The following MPZL1 variants were observed in gnomAD, a reference collection of about 807,000 sequenced individuals.
The protein encoded by MPZL1 is myelin protein zero-like protein 1.
A neutral mutation model predicts 29.3 loss-of-function variants in MPZL1; 16 were observed. The observed-to-expected ratio is 0.55, with a 90% CI of 0.37 to 0.83. MPZL1 has a LOEUF of 0.83. Ranked by LOEUF, MPZL1 falls within the 40% of genes least tolerant of loss-of-function variation. The pLI, the probability that MPZL1 is intolerant of heterozygous loss-of-function variation, is 0.00. For synonymous variants in MPZL1, 143 were observed against 132.0 expected, an observed-to-expected ratio of 1.08 and a Z score of -0.57; for missense variants, 279 against 332.9, an observed-to-expected ratio of 0.84 and a Z score of 1.26.
At chr1:167,737,979 G>A (rs1241371303) in intron 1 of MPZL1, among the ~76,000 whole-genome samples, 1 of 152,154 alleles carries the variant, frequency 6.6e-6, no homozygotes, top group Non-Finnish European at 1.5e-5. Flanking sequence ...AGGCTGGAGT[G>A]CAGTGGCGCA....
At chr1:167,776,034 C>A in intron 4 of MPZL1, 30 bp from the exon 5 acceptor site, 2 of 1,419,466 alleles carry the variant, frequency 1.4e-6, no homozygotes, top group Non-Finnish European at 1.9e-6. Context: ...TTATTTTTTA[C>A]ATTTGTTCTT....
rs1178023407 is a variant in MPZL1 at position 167,787,858 on chromosome 1, A to G, written c.747A>G (p.Gly249=). The G allele has an allele frequency of 6.2e-7, 1 of 1,613,956 alleles. No homozygotes were observed. Among genetic ancestry groups the G allele is most frequent in the Admixed American group, 1.7e-5 (1 of 60,020 alleles). ...VIYAQLDHSG[G]HHSDKINKSE... is the part of the protein sequence containing the mutation. Reference sequence around the variant, plus strand: ...ATGCACAGTTAGACCACTCCGGCGGACATCACAGTGACAAGATTAACAAGT... The same window carrying G: ...ATGCACAGTTAGACCACTCCGGCGGGCATCACAGTGACAAGATTAACAAGT... Residue 249 remains glycine, a synonymous_variant, in exon 6 of 6, where the codon GGA becomes GGG. Coordinates refer to ENST00000359523, the MANE Select transcript of MPZL1 (RefSeq NM_003953.6).
intron 1 of MPZL1, among the ~76,000 whole-genome samples, chr1:167,758,343 G>A (rs1341758953): frequency 2.0e-5 from 3 of 152,116 alleles, no homozygotes; most frequent in African/African-American, 7.2e-5. Flanking sequence ...TATGGTATGA[G>A]AGTTTGAATT....
At chr1:167,733,948 T>C (rs1246477077) in intron 1 of MPZL1, among the ~76,000 whole-genome samples, 1 of 150,660 alleles carries the variant, frequency 6.6e-6, no homozygotes, top group African/African-American at 2.4e-5. Flanking sequence ...GGTGAGTAAG[T>C]AGATCTTAAA....
At position 167,788,577 on chromosome 1, in the gene MPZL1, A is replaced by G. The variant is rs528889612; in HGVS notation, c.*656A>G. 1.1e-4 allele frequency: 16 copies of G among 152,354 alleles called. No homozygotes were observed. Among genetic ancestry groups the G allele is most frequent in the Admixed American group, 7.8e-4 (12 of 15,298 alleles). 9.4% of individuals were successfully genotyped at this position (152,354 alleles called of 1,614,324 possible). ...TGCACCCTTGAAATGTGTCATATCAATTTCTGGATTCATAATAGCAAGATT... is the reference window on the plus strand; with the variant it reads ...TGCACCCTTGAAATGTGTCATATCAGTTTCTGGATTCATAATAGCAAGATT... On this transcript the variant is annotated 3_prime_UTR_variant, in exon 6 of 6. Coordinates refer to ENST00000359523, the MANE Select transcript of MPZL1 (RefSeq NM_003953.6).
chr1:167,734,940 A>G (rs1660346044), intron 1 of MPZL1, among the ~76,000 whole-genome samples: 1 of 152,146 alleles, frequency 6.6e-6, no homozygotes, highest in Admixed American at 6.5e-5. Context: ...CAATGCCCTC[A>G]CTTTAGTAGC....
chr1:167,724,685 T>C (rs1660105532), intron 1 of MPZL1, among the ~76,000 whole-genome samples: 1 of 152,156 alleles, frequency 6.6e-6, no homozygotes, highest in Non-Finnish European at 1.5e-5. Flanking sequence ...GAGATACTTT[T>C]GAATATGTTG....
At chr1:167,736,219 G>C (rs1036008817) in intron 1 of MPZL1, among the ~76,000 whole-genome samples, 1 of 152,158 alleles carries the variant, frequency 6.6e-6, no homozygotes, top group Admixed American at 6.5e-5. Context: ...TCCTTAGGCA[G>C]GTTCTGCTCT....
intron 5 of MPZL1, among the ~76,000 whole-genome samples, chr1:167,781,089 G>C (rs1661486888): frequency 2.0e-5 from 3 of 152,016 alleles, no homozygotes; most frequent in Admixed American, 2.0e-4. Flanking sequence ...TCTAATAATA[G>C]AGCTTGAAAG....
At chr1:167,741,027 T>C (rs1314489957) in intron 1 of MPZL1, among the ~76,000 whole-genome samples, 1 of 152,108 alleles carries the variant, frequency 6.6e-6, no homozygotes, top group East Asian at 1.9e-4. Flanking sequence ...ACTTCTTTGG[T>C]TTTTGTTTTG....
In MPZL1 at chr1:167,734,651, C is replaced by T. The variant is rs555551881; in HGVS notation, c.91+12409C>T. Among the ~76,000 whole-genome samples, 17 of 152,220 alleles carry T rather than the reference C, an allele frequency of 1.1e-4. 2 individuals carry two copies. Among genetic ancestry groups the T allele is most frequent in the Admixed American group, 9.8e-4 (15 of 15,288 alleles). Reference sequence around the variant, plus strand: ...ACATTTTGTACCTCACCTTTAGGAGCCTCCTGAGACTTAAGTCTAGTTATA... The same window carrying T: ...ACATTTTGTACCTCACCTTTAGGAGTCTCCTGAGACTTAAGTCTAGTTATA... On this transcript the variant is annotated intron_variant, in intron 1 of 5. Transcript: ENST00000359523.
intron 1 of MPZL1, among the ~76,000 whole-genome samples, chr1:167,743,199 G>A (rs1660570684): frequency 6.6e-6 from 1 of 151,574 alleles, no homozygotes; most frequent in Non-Finnish European, 1.5e-5. Flanking sequence ...ACTTTTGGCA[G>A]TATCATCATT....
At chr1:167,784,150 T>C (rs17481761) in intron 5 of MPZL1, among the ~76,000 whole-genome samples, 21,101 of 152,218 alleles carry the variant, frequency 0.14, 1,834 homozygotes, top group Middle Eastern at 0.22. Context: ...GGTTTTTTTA[T>C]TGGAATAAAT....
At chr1:167,738,576 G>T (rs1235129012) in intron 1 of MPZL1, among the ~76,000 whole-genome samples, 1 of 152,168 alleles carries the variant, frequency 6.6e-6, no homozygotes, top group Non-Finnish European at 1.5e-5. Context: ...GGGAACTGGT[G>T]GGAGGTGATT....
rs564840623 is a variant in MPZL1, at chr1:167,791,819, C to G, written c.*3898C>G. On this transcript the variant is annotated 3_prime_UTR_variant, in exon 6 of 6. Coordinates refer to ENST00000359523, the MANE Select transcript of MPZL1 (RefSeq NM_003953.6). Reference sequence around the variant, plus strand: ...TAGTCTAGGTGGTAGGCACAGATGTCTGAGAGCTTTAACCTCAGTCTGGAA... The same window carrying G: ...TAGTCTAGGTGGTAGGCACAGATGTGTGAGAGCTTTAACCTCAGTCTGGAA... 6.8e-6 allele frequency: 1 copy of G among 146,572 alleles called. No individual in the cohort carries two copies. Among genetic ancestry groups the G allele is most frequent in the South Asian group, 2.2e-4 (1 of 4,532 alleles). 9.1% of individuals were successfully genotyped at this position (146,572 alleles called of 1,614,324 possible). A position where few individuals can be genotyped will look rare whatever the true frequency, so the allele number is the denominator to read the frequency against.
intron 1 of MPZL1, among the ~76,000 whole-genome samples, chr1:167,746,826 TC>T (rs1480282757): frequency 3.3e-5 from 5 of 152,236 alleles, no homozygotes; most frequent in African/African-American, 1.2e-4. Context: ...ATTCTTAGTT[TC>T]CTCTAAAATA....
chr1:167,784,484 G>A (rs1661554278), intron 5 of MPZL1, among the ~76,000 whole-genome samples: 2 of 152,254 alleles, frequency 1.3e-5, no homozygotes, highest in South Asian at 4.1e-4. Flanking sequence ...CTTAACAATG[G>A]TAGGTTCATT....
Position 167,787,942 on chromosome 1 carries a change from C to A in MPZL1, c.*21C>A. Reference sequence around the variant, plus strand: ...ATTAAGAGAATACCTAGAACATATCCTCAGCAAGAAACAAAACCAAACTGG... The same window carrying A: ...ATTAAGAGAATACCTAGAACATATCATCAGCAAGAAACAAAACCAAACTGG... On this transcript the variant is annotated 3_prime_UTR_variant, in exon 6 of 6. Coordinates refer to ENST00000359523, the MANE Select transcript of MPZL1 (RefSeq NM_003953.6). The A allele has an allele frequency of 6.3e-7, 1 of 1,586,912 alleles. No homozygotes were observed. The highest frequency in any genetic ancestry group is 8.7e-7 in the Non-Finnish European group (1 of 1,155,398).
chr1:167,781,737 G>C (rs1054334671), intron 5 of MPZL1, among the ~76,000 whole-genome samples: 3 of 152,096 alleles, frequency 2.0e-5, no homozygotes, highest in African/African-American at 7.2e-5. Flanking sequence ...GGAAAAATCA[G>C]CTGACATTCT....
Sources: allele counts gnomAD v4.1 joint callset (sites outside exome capture counted in the v4.1 genomes callset), GRCh38; gene constraint gnomAD v4.1.1; transcripts MANE v1.5; gene names NCBI Gene and HGNC (gene_info 2026-07-23, HGNC 2026-07-21).